Variants in NUCB2 observed in about 807,000 individuals in gnomAD.
NUCB2 encodes the protein nucleobindin 2, also known as nucleobindin-2.
A neutral mutation model predicts 57.9 loss-of-function variants in NUCB2; 48 were observed. That is an observed-to-expected ratio of 0.83 (90% CI 0.66 to 1.05). The LOEUF is 1.05. Ranked by LOEUF, NUCB2 falls within the 50% of genes least tolerant of loss-of-function variation. The pLI is 0.00. For synonymous variants in NUCB2, 139 were observed against 152.1 expected, an observed-to-expected ratio of 0.91 and a Z score of 0.64; for missense variants, 442 against 476.2, an observed-to-expected ratio of 0.93 and a Z score of 0.67.
At chr11:17,294,798 T>A (rs1591309590) in intron 2 of NUCB2, among the ~76,000 whole-genome samples, 4 of 152,116 alleles carry the variant, frequency 2.6e-5, no homozygotes, top group Admixed American at 2.6e-4. Flanking sequence ...CTGTAATCTT[T>A]GCACTTTGGG....
At chr11:17,297,015 G>A (rs932913384) in intron 4 of NUCB2, among the ~76,000 whole-genome samples, 1 of 152,056 alleles carries the variant, frequency 6.6e-6, no homozygotes, top group African/African-American at 2.4e-5. Flanking sequence ...GCCATAGTCA[G>A]CTCTTCAGTA....
chr11:17,347,904 G>A (rs1952874003), intron 2 of NUCB2, among the ~76,000 whole-genome samples: 1 of 152,152 alleles, frequency 6.6e-6, no homozygotes. Context: ...ACCTAATGGT[G>A]AGAAGGCCAA....
intron 2 of NUCB2, among the ~76,000 whole-genome samples, chr11:17,288,844 C>T (rs55948574): frequency 0.21 from 27,157 of 132,010 alleles, 3,681 homozygotes; most frequent in East Asian, 0.33. Context: ...CATGAGCCAC[C>T]GTGCCTGGCC....
downstream of NUCB2, chr11:17,332,334 C>T (rs1306580429): frequency 6.6e-6 from 1 of 151,804 alleles, no homozygotes; most frequent in Non-Finnish European, 1.5e-5. Flanking sequence ...CTGATGGCCA[C>T]ACCTAGCTGC....
chr11:17,340,155 T>C (rs892942382), intron 2 of NUCB2, among the ~76,000 whole-genome samples: 4 of 152,382 alleles, frequency 2.6e-5, no homozygotes, highest in South Asian at 4.1e-4. Flanking sequence ...TGTCTTCTTT[T>C]GAGAAGTGTC....
chr11:17,328,078 A>T (rs1044443336), intron 11 of NUCB2, among the ~76,000 whole-genome samples: 3 of 152,192 alleles, frequency 2.0e-5, no homozygotes, highest in Admixed American at 6.5e-5. Flanking sequence ...TTCTTTGGAA[A>T]GCTTTCCAGG....
chr11:17,345,525 G>A (rs910503949), intron 2 of NUCB2, among the ~76,000 whole-genome samples: 1 of 152,156 alleles, frequency 6.6e-6, no homozygotes, highest in Non-Finnish European at 1.5e-5. Context: ...TGGCCAAGAT[G>A]GTGAAACCCC....
chr11:17,308,554 A>G (rs980387984), intron 5 of NUCB2, among the ~76,000 whole-genome samples: 4 of 152,104 alleles, frequency 2.6e-5, no homozygotes, highest in African/African-American at 9.7e-5. Context: ...CTGATTTCCA[A>G]CAACTTCAAC....
intron 4 of NUCB2, among the ~76,000 whole-genome samples, chr11:17,300,858 G>A (rs527844692): frequency 6.6e-6 from 1 of 152,002 alleles, no homozygotes; most frequent in African/African-American, 2.4e-5. Flanking sequence ...TTCTGAAGTG[G>A]CTACACCATT....
intron 5 of NUCB2, among the ~76,000 whole-genome samples, chr11:17,307,285 T>C (rs1947818137): frequency 6.6e-6 from 1 of 152,076 alleles, no homozygotes; most frequent in African/African-American, 2.4e-5. Flanking sequence ...CAATGTCCCC[T>C]AACACCATCC....
chr11:17,309,434 T>C (rs1033379696), intron 5 of NUCB2, 138 bp from the exon 6 acceptor site: 3 of 550,398 alleles, frequency 5.5e-6, no homozygotes, highest in Middle Eastern at 9.6e-4. Flanking sequence ...ATAAAGTAAA[T>C]ATAAGCCTTT....
At chr11:17,341,282 C>G (rs1565486946) in intron 2 of NUCB2, among the ~76,000 whole-genome samples, 1 of 152,006 alleles carries the variant, frequency 6.6e-6, no homozygotes, top group African/African-American at 2.4e-5. Context: ...TTGACTTCCT[C>G]TTTTCCTAAT....
chr11:17,309,528 G>C (rs368779528), intron 5 of NUCB2, 44 bp from the exon 6 acceptor site: 468 of 1,083,764 alleles, frequency 4.3e-4, no homozygotes, highest in Non-Finnish European at 5.7e-4. Context: ...TATGTTTCTA[G>C]CTTCTAGAAA....
downstream of NUCB2, chr11:17,332,368 G>A (rs1252400892): frequency 6.6e-6 from 1 of 151,662 alleles, no homozygotes; most frequent in Non-Finnish European, 1.5e-5. Flanking sequence ...AAGTCAATGT[G>A]GCAATGTGAC....
chr11:17,339,803 C>T (rs1442539586), intron 2 of NUCB2, among the ~76,000 whole-genome samples: 1 of 152,040 alleles, frequency 6.6e-6, no homozygotes, highest in Non-Finnish European at 1.5e-5. Flanking sequence ...AATAGTGCCA[C>T]AATAAACATA....
At position 17,296,553 on chromosome 11, in the gene NUCB2, A is replaced by G. The variant is rs575529155; in HGVS notation, c.252+342A>G. 8.3e-4 allele frequency among the ~76,000 whole-genome samples: 127 copies of G among 152,332 alleles called. 1 individual carries two copies. Among genetic ancestry groups the G allele is most frequent in the Non-Finnish European group, 1.6e-3 (111 of 68,024 alleles). Reference sequence around the variant, plus strand: ...TTTAATCTAGAAATACAGAAGGCAGACACATAATCTAATATGAAGCAGTGG... The same window carrying G: ...TTTAATCTAGAAATACAGAAGGCAGGCACATAATCTAATATGAAGCAGTGG... On this transcript the variant is annotated intron_variant, in intron 4 of 13. Coordinates refer to ENST00000529010, the MANE Select transcript of NUCB2 (RefSeq NM_005013.4).
chr11:17,301,714 A>T (rs1946787672), intron 4 of NUCB2, 30 bp from the exon 5 acceptor site: 4 of 1,573,476 alleles, frequency 2.5e-6, no homozygotes, highest in Non-Finnish European at 3.5e-6. Flanking sequence ...AATGTAATAG[A>T]TAAAACTAAC....
Position 17,330,298 on chromosome 11 carries a change from G to A in NUCB2, c.1173+1G>A. 1 of 1,585,876 alleles carries A rather than the reference G, an allele frequency of 6.3e-7. No individual in the cohort carries two copies. Among genetic ancestry groups the A allele is most frequent in the Non-Finnish European group, 8.5e-7 (1 of 1,172,482 alleles). On this transcript the variant is annotated splice_donor_variant, in intron 12 of 13. Coordinates refer to ENST00000529010, the MANE Select transcript of NUCB2 (RefSeq NM_005013.4). LOFTEE classifies it high-confidence loss of function. This position sits in a 1 kb window ranked among gnomAD's most constrained non-coding sequence, Gnocchi z 4.3. ...GGCTCAGAAGCTGGAATATCATCAG[G>A]TGGCATTTTGTCAAAAGATTATGGC...
At chr11:17,280,133 A>G (rs561016663) in intron 1 of NUCB2, among the ~76,000 whole-genome samples, 1 of 152,228 alleles carries the variant, frequency 6.6e-6, no homozygotes, top group African/African-American at 2.4e-5. Flanking sequence ...AATTATCTGA[A>G]GTACAGTATA....
Sources: allele counts gnomAD v4.1 joint callset (sites outside exome capture counted in the v4.1 genomes callset), GRCh38; gene constraint gnomAD v4.1.1; non-coding constraint Gnocchi (gnomAD v3.1); transcripts MANE v1.5; gene names NCBI Gene and HGNC (gene_info 2026-07-23, HGNC 2026-07-21).